Variants in ENAM observed in about 807,000 individuals in gnomAD.
ENAM encodes amelogenesis imperfecta 2, hypocalcification (autosomal dominant).
In ENAM, 21 loss-of-function variants were observed where a neutral mutation model predicts 33.6. That is an observed-to-expected ratio of 0.63 (90% CI 0.44 to 0.90). The LOEUF (loss-of-function observed/expected upper bound fraction) is 0.90, where lower values mean the gene tolerates loss of function less well. Among genes scored for constraint, ENAM ranks in the 40% least tolerant of loss-of-function variants. The pLI, the probability that ENAM is intolerant of heterozygous loss-of-function variation, is 0.00. For missense variants in ENAM, 1,388 were observed against 1,366.9 expected (o/e 1.02, Z -0.24); for synonymous variants, 473 against 468.4 (o/e 1.01, Z -0.13).
rs765954002 is a variant in ENAM, at chr4:70,634,427, C to A, written c.330C>A (p.Pro110=). The change falls in exon 6 of 9, where the codon CCC becomes CCA. Residue 110 remains proline (P), a synonymous_variant. Transcript: ENST00000396073. The part of the protein sequence containing the change: ...NTWHPRKSSA[P]KRHNKTDQTQ... ...GGCATCCACGGAAATCCTCAGCACC[C>A]AAACGTCATAACAAGACTGATCAGA... 1 of 1,614,120 alleles carries A rather than the reference C, an allele frequency of 6.2e-7. No homozygotes were observed. The highest frequency in any genetic ancestry group is 8.5e-7 in the Non-Finnish European group (1 of 1,180,016).
In ENAM at chr4:70,637,814, C is replaced by A. The variant is rs200947570; in HGVS notation, c.559C>A (p.Arg187Ser). 10 of 1,613,442 alleles carry A rather than the reference C, an allele frequency of 6.2e-6. No homozygotes were observed. Among genetic ancestry groups the A allele is most frequent in the South Asian group, 1.1e-5 (1 of 91,076 alleles). Residue 187 changes from arginine (R) to serine (S), a missense_variant, in exon 8 of 9, where the codon CGC becomes AGC. Coordinates refer to ENST00000396073, the MANE Select transcript of ENAM (RefSeq NM_031889.3). ...GAGGTTACCACCACCAGGTTATGGA[C>A]GCCCACCAATCAGCAATGAAGAAGG... ...PQRLPPPGYG[R>S]PPISNEEGGN...
Position 70,643,658 on chromosome 4 carries a change from G to A in ENAM, c.2232G>A (p.Arg744=), listed in dbSNP as rs186268089. The change falls in exon 9 of 9, where the codon AGG becomes AGA. Residue 744 remains arginine, a synonymous_variant. Transcript: ENST00000396073. The part of the protein sequence containing the change: ...ASTMPPPIES[R]GYYVNNAAGP... ...CTATGCCACCACCTATAGAGAGCAG[G>A]GGCTACTACGTTAATAATGCCGCTG... 2 of 1,614,044 alleles carry A rather than the reference G, an allele frequency of 1.2e-6. No individual in the cohort carries two copies. Among genetic ancestry groups the A allele is most frequent in the Non-Finnish European group, 1.7e-6 (2 of 1,179,972 alleles).
Position 70,643,065 on chromosome 4 carries a change from G to T in ENAM, c.1639G>T (p.Val547Leu). The change falls in exon 9 of 9, where the codon GTA becomes TTA. Residue 547 changes from valine to leucine, a missense_variant. Val to Leu is a conservative substitution (Grantham distance 32). Transcript: ENST00000396073. ...ELKHSSYQPA[V>L]YPEEIPSPAK... ...AAAGCACAGCTCATATCAGCCTGCT[G>T]TATACCCTGAGGAAATCCCTTCTCC... 13 of 1,613,972 alleles carry T rather than the reference G, an allele frequency of 8.1e-6. No individual in the cohort carries two copies. Among genetic ancestry groups the T allele is most frequent in the Non-Finnish European group, 1.1e-5 (13 of 1,179,956 alleles).
intron 5 of ENAM, 84 bp downstream of exon 5, chr4:70,632,776 C>A: frequency 2.2e-6 from 2 of 902,144 alleles, no homozygotes; most frequent in Non-Finnish European, 1.9e-6. Flanking sequence ...TCAATAGAGA[C>A]ACCAATCCAC....
chr4:70,629,494 G>GA lies in ENAM; in HGVS notation c.1dup. 1 of 1,612,098 alleles carries GA rather than the reference G, an allele frequency of 6.2e-7. No homozygotes were observed. Among genetic ancestry groups the GA allele is most frequent in the Non-Finnish European group, 8.5e-7 (1 of 1,178,372 alleles). On this transcript the variant is annotated 5_prime_UTR_variant, in exon 2 of 9. Transcript: ENST00000396073. ...CTTAAAGGCTTATAAAAATTTTGCT[G>GA]AAAAAAATGTTGGTGCTTCGGTGCA...
At position 70,643,142 on chromosome 4, in the gene ENAM, C is replaced by A. The variant is rs754497555; in HGVS notation, c.1716C>A (p.Ile572=). 1 of 1,614,042 alleles carries A rather than the reference C, an allele frequency of 6.2e-7. No homozygotes were observed. Among genetic ancestry groups the A allele is most frequent in the South Asian group, 1.1e-5 (1 of 91,070 alleles). ...GAAATACTTGGGACCACCAAGAAAT[C>A]TCTCCACCTTTTAAGGAAGATCCAG... ...AGRNTWDHQE[I]SPPFKEDPGR... is the part of the protein sequence containing the mutation. The change falls in exon 9 of 9, where the codon ATC becomes ATA. Residue 572 remains isoleucine, a synonymous_variant. Transcript: ENST00000396073.
chr4:70,630,026 C>T (rs1738270452), intron 2 of ENAM, among the ~76,000 whole-genome samples: 1 of 152,150 alleles, frequency 6.6e-6, no homozygotes, highest in African/African-American at 2.4e-5. Context: ...CCAGTATTCT[C>T]TTTATTAGTT....
Position 70,645,320 on chromosome 4 carries a change from A to G in ENAM, c.*465A>G, listed in dbSNP as rs1738732871. The G allele has an allele frequency of 1.7e-5, 3 of 176,768 alleles. No homozygotes were observed. Among genetic ancestry groups the G allele is most frequent in the Admixed American group, 1.1e-4 (2 of 17,456 alleles). The allele number at this position is 176,768 out of a possible 1,614,324, so 10.9% of individuals were successfully genotyped here. On this transcript the variant is annotated 3_prime_UTR_variant, in exon 9 of 9. Transcript: ENST00000396073. ...TCTTGTCAGGTTTTTTTCCTACTCAATATTCTCTTCAAGCATTTTTTTTCT... is the reference window on the plus strand; with the variant it reads ...TCTTGTCAGGTTTTTTTCCTACTCAGTATTCTCTTCAAGCATTTTTTTTCT...
chr4:70,638,642 C>T (rs1288268046), intron 8 of ENAM, among the ~76,000 whole-genome samples: 1 of 151,226 alleles, frequency 6.6e-6, no homozygotes, highest in Non-Finnish European at 1.5e-5. Context: ...TGTATATATA[C>T]ATTTTGTAAG....
chr4:70,645,303 G>T lies in ENAM; in HGVS notation c.*448G>T. ...TTTTTTGCTTGTGTTGATCTTGTCAGGTTTTTTTCCTACTCAATATTCTCT... is the reference window on the plus strand; with the variant it reads ...TTTTTTGCTTGTGTTGATCTTGTCATGTTTTTTTCCTACTCAATATTCTCT... On this transcript the variant is annotated 3_prime_UTR_variant, in exon 9 of 9. Transcript: ENST00000396073. 1 of 185,264 alleles carries T rather than the reference G, an allele frequency of 5.4e-6. No homozygotes were observed. Among genetic ancestry groups the T allele is most frequent in the Non-Finnish European group, 1.1e-5 (1 of 89,852 alleles). 11.5% of individuals were successfully genotyped at this position (185,264 alleles called of 1,614,324 possible). A position where few individuals can be genotyped will look rare whatever the true frequency, so the allele number is the denominator to read the frequency against.
In ENAM at chr4:70,645,150, C is replaced by G. The variant is rs1242231477; in HGVS notation, c.*295C>G. 1 of 546,856 alleles carries G rather than the reference C, an allele frequency of 1.8e-6. No individual in the cohort carries two copies. The highest frequency in any genetic ancestry group is 3.3e-6 in the Non-Finnish European group (1 of 307,400). The allele number at this position is 546,856 out of a possible 1,614,324, so 33.9% of individuals were successfully genotyped here. Reference sequence around the variant, plus strand: ...ACTTGTCTGAGTTAGTTTCCTTTTGCTTGATGACTTCTTTTGCTCTCAAAG... The same window carrying G: ...ACTTGTCTGAGTTAGTTTCCTTTTGGTTGATGACTTCTTTTGCTCTCAAAG... On this transcript the variant is annotated 3_prime_UTR_variant, in exon 9 of 9. Coordinates refer to ENST00000396073, the MANE Select transcript of ENAM (RefSeq NM_031889.3).
chr4:70,642,272 C>A lies in ENAM; in HGVS notation c.846C>A (p.Asn282Lys), dbSNP rs999574013. The change falls in exon 9 of 9, where the codon AAC (asparagine) becomes AAA (lysine). Residue 282 changes from asparagine to lysine, a missense_variant. Transcript: ENST00000396073. Reference sequence around the variant, plus strand: ...CCCCAGGACTAAACACTGGGAACAACCCTCCAGCTCAAAATGGGATTGGCC... The same window carrying A: ...CCCCAGGACTAAACACTGGGAACAAACCTCCAGCTCAAAATGGGATTGGCC... The part of the protein sequence containing the change: ...NSTPGLNTGN[N>K]PPAQNGIGPL... The A allele has an allele frequency of 1.2e-6, 2 of 1,614,182 alleles. No homozygotes were observed. Among genetic ancestry groups the A allele is most frequent in the Admixed American group, 1.7e-5 (1 of 60,018 alleles).
At chr4:70,629,404 A>G (rs1204797557) in intron 1 of ENAM, 37 bp from the exon 2 acceptor site, 10 of 900,976 alleles carry the variant, frequency 1.1e-5, no homozygotes, top group African/African-American at 1.6e-5. Context: ...AAGCTTTGCT[A>G]TTCATTTCAT....
chr4:70,631,679 G>A lies in ENAM; in HGVS notation c.64G>A (p.Gly22Ser). ...FPKLDNLVPK[G>S]KMKILLVFLG... ...CAATTTTTTATTCTAGGTACCAAAA[G>A]GCAAAATGAAGATTCTCCTGGTCTT... Residue 22 changes from glycine (G) to serine (S), a missense_variant, in exon 3 of 9, where the codon GGC becomes AGC. By Grantham distance (56) the Gly-to-Ser change is moderately conservative (BLOSUM62 0). Coordinates refer to ENST00000396073, the MANE Select transcript of ENAM (RefSeq NM_031889.3). 2 of 1,612,732 alleles carry A rather than the reference G, an allele frequency of 1.2e-6. No homozygotes were observed. The highest frequency in any genetic ancestry group is 8.5e-7 in the Non-Finnish European group (1 of 1,178,804).
rs370921565 is a variant in ENAM, at chr4:70,630,820, C to T, written c.55-850C>T. On this transcript the variant is annotated intron_variant, in intron 2 of 8. Coordinates refer to ENST00000396073, the MANE Select transcript of ENAM (RefSeq NM_031889.3). The stretch of plus-strand genomic sequence containing the variant: ...GCAATGGCACGATCTTGGCTCACTG[C>T]AACCTCCTCCTCCTGGGTTCAAGCG... Among the ~76,000 whole-genome samples the T allele has an allele frequency of 1.6e-4, 25 of 151,910 alleles. No individual in the cohort carries two copies. In the East Asian group the frequency reaches 4.8e-3, roughly 29 times the overall value.
Position 70,631,912 on chromosome 4 carries a change from A to G in ENAM, c.168+19A>G. 1 of 1,607,988 alleles carries G rather than the reference A, an allele frequency of 6.2e-7. No individual in the cohort carries two copies. The highest frequency in any genetic ancestry group is 8.5e-7 in the Non-Finnish European group (1 of 1,174,374). On this transcript the variant is annotated intron_variant, in intron 4 of 8. Transcript: ENST00000396073. ...TGAGGAGGTATGTACGTTCAGTCTC[A>G]GAGGAGAAGTTATCCAGAGTCCTAT...
intron 4 of ENAM, 62 bp from the exon 5 acceptor site, chr4:70,632,589 T>G (rs1738352186): frequency 6.8e-6 from 8 of 1,171,950 alleles, no homozygotes; most frequent in Non-Finnish European, 1.0e-5. Context: ...TTCTTACGAT[T>G]TGTGCATTGA....
chr4:70,638,003 G>A (rs1738502251), intron 8 of ENAM, among the ~76,000 whole-genome samples, 160 bp downstream of exon 8: 1 of 152,170 alleles, frequency 6.6e-6, no homozygotes, highest in Non-Finnish European at 1.5e-5. Flanking sequence ...AATCAAGCCA[G>A]TGGTCCAAAG....
At position 70,643,213 on chromosome 4, in the gene ENAM, G is replaced by C; in HGVS notation, c.1787G>C (p.Gly596Ala). Residue 596 changes from glycine to alanine, a missense_variant, in exon 9 of 9, where the codon GGA (glycine) becomes GCA (alanine). Transcript: ENST00000396073. The part of the protein sequence containing the change: ...HLPHPSHGSR[G>A]SVFYPEYNPY... ...CCCCATCCTTCCCATGGTTCTAGAG[G>C]AAGTGTTTTCTACCCTGAATATAAC... 6.2e-7 allele frequency: 1 copy of C among 1,613,690 alleles called. No individual in the cohort carries two copies. The highest frequency in any genetic ancestry group is 1.3e-5 in the African/African-American group (1 of 74,888).
Sources: allele counts gnomAD v4.1 joint callset (sites outside exome capture counted in the v4.1 genomes callset), GRCh38; gene constraint gnomAD v4.1.1; transcripts MANE v1.5; gene names NCBI Gene and HGNC (gene_info 2026-07-23, HGNC 2026-07-21).